Variants in SCN9A observed in about 807,000 individuals in gnomAD.
The protein encoded by SCN9A is sodium voltage-gated channel alpha subunit 9.
A neutral mutation model predicts 187.0 loss-of-function variants in SCN9A; 131 were observed. The observed-to-expected ratio is 0.70, with a 90% CI of 0.61 to 0.81. The LOEUF is 0.81. SCN9A is among the 30% of genes least tolerant of loss of function. The pLI, the probability that SCN9A is intolerant of heterozygous loss-of-function variation, is 0.00. For missense variants in SCN9A, 2,252 were observed against 2,396.6 expected (o/e 0.94, Z 1.26); for synonymous variants, 809 against 808.6 (o/e 1.00, Z -0.01).
intron 17 of SCN9A, among the ~76,000 whole-genome samples, chr2:166,264,334 T>C (rs1328641624): frequency 6.6e-6 from 1 of 151,922 alleles, no homozygotes; most frequent in African/African-American, 2.4e-5. Context: ...TTGGAGGGCT[T>C]CATTGCACTT....
intron 1 of SCN9A, among the ~76,000 whole-genome samples, chr2:166,360,219 C>CAAAAA (rs1251018524): frequency 2.1e-4 from 5 of 24,008 alleles, no homozygotes; most frequent in African/African-American, 7.5e-4. Flanking sequence ...AACTCTGTCT[C>CAAAAA]AAAAAAAAAA....
intron 7 of SCN9A, chr2:166,301,748 T>C (rs1354357909): frequency 6.6e-6 from 1 of 150,770 alleles, no homozygotes; most frequent in Non-Finnish European, 1.5e-5. Context: ...TTTTACAGCA[T>C]ATAAATTAAG....
At chr2:166,331,339 G>A (rs772804611) in intron 1 of SCN9A, among the ~76,000 whole-genome samples, 18 of 152,080 alleles carry the variant, frequency 1.2e-4, no homozygotes, top group African/African-American at 1.4e-4. Flanking sequence ...TTTACAACTT[G>A]TTTTTGGTAA....
intron 6 of SCN9A, 186 bp downstream of exon 6, chr2:166,304,052 T>C: frequency 1.2e-6 from 2 of 1,613,402 alleles, no homozygotes; most frequent in Non-Finnish European, 1.7e-6. Flanking sequence ...GAAATTGTTT[T>C]CAATGCTCGG....
intron 1 of SCN9A, among the ~76,000 whole-genome samples, chr2:166,366,111 T>C (rs1036716444): frequency 6.6e-6 from 1 of 152,102 alleles, no homozygotes; most frequent in East Asian, 1.9e-4. Flanking sequence ...ATGGCACCAA[T>C]ACCAACTTGG....
At chr2:166,355,969 C>T (rs755736948) in intron 1 of SCN9A, among the ~76,000 whole-genome samples, 1 of 152,124 alleles carries the variant, frequency 6.6e-6, no homozygotes, top group Non-Finnish European at 1.5e-5. Context: ...GACAGGGTTT[C>T]ACCATGTTGG....
At chr2:166,286,755 C>T (rs1697768156) in intron 10 of SCN9A, 132 bp from the exon 11 acceptor site, 5 of 613,678 alleles carry the variant, frequency 8.1e-6, no homozygotes, top group Admixed American at 3.9e-5. Flanking sequence ...ATGAAATGAT[C>T]GTTTTCTTTA....
chr2:166,368,739 G>C (rs1700479726), intron 1 of SCN9A, among the ~76,000 whole-genome samples: 1 of 148,030 alleles, frequency 6.8e-6, no homozygotes, highest in African/African-American at 2.5e-5. Flanking sequence ...TATAATCCCA[G>C]CACTTTGGGG....
chr2:166,220,573 C>T (rs970400807), intron 24 of SCN9A, among the ~76,000 whole-genome samples: 27 of 152,266 alleles, frequency 1.8e-4, no homozygotes, highest in Admixed American at 3.3e-4. Context: ...TCCTCCAGTA[C>T]TGTGATCCCA....
chr2:166,371,676 C>T (rs1343448897), intron 1 of SCN9A, among the ~76,000 whole-genome samples: 1 of 152,072 alleles, frequency 6.6e-6, no homozygotes, highest in Non-Finnish European at 1.5e-5. Flanking sequence ...CCTTGCCTCT[C>T]AAGTGGTAAT....
chr2:166,200,529 ATAAC>A (rs1693458774), intron 26 of SCN9A, among the ~76,000 whole-genome samples: 1 of 152,216 alleles, frequency 6.6e-6, no homozygotes, highest in Non-Finnish European at 1.5e-5. Flanking sequence ...AATGTCAACA[ATAAC>A]TATTATCAAT....
In SCN9A at chr2:166,218,409, TAAAA is replaced by T. The variant is rs1328904435; in HGVS notation, c.4398+8154_4398+8157del. Among the ~76,000 whole-genome samples the T allele has an allele frequency of 1.0e-4, 15 of 149,140 alleles. No homozygotes were observed. In the Admixed American group the frequency reaches 1.1e-3, roughly 11 times the overall value. On this transcript the variant is annotated intron_variant, in intron 24 of 26. Coordinates refer to ENST00000642356, the MANE Select transcript of SCN9A (RefSeq NM_001365536.1). The stretch of plus-strand genomic sequence containing the variant: ...ATGTACCCTAGAACTTAAAGTAAAA[TAAAA>T]AAATAAATAAATAAAAAATAAAAAA...
chr2:166,273,815 C>T (rs905018379), intron 16 of SCN9A, among the ~76,000 whole-genome samples: 2 of 152,040 alleles, frequency 1.3e-5, no homozygotes, highest in East Asian at 1.9e-4. Context: ...TTTTAAAAAT[C>T]GAAGTAAGAC....
At chr2:166,364,855 A>G (rs1037711023) in intron 1 of SCN9A, among the ~76,000 whole-genome samples, 1 of 152,190 alleles carries the variant, frequency 6.6e-6, no homozygotes, top group Non-Finnish European at 1.5e-5. Context: ...CAAAATATAA[A>G]TTTTTAAATT....
chr2:166,308,925 CAAA>C (rs397986566), intron 2 of SCN9A, among the ~76,000 whole-genome samples: 160 of 78,146 alleles, frequency 2.0e-3, no homozygotes, highest in African/African-American at 7.5e-3. Context: ...GACTCTGTCT[CAAA>C]AAAAAAAAAA....
chr2:166,279,733 T>A (rs34474991), intron 14 of SCN9A, among the ~76,000 whole-genome samples: 9,242 of 152,156 alleles, frequency 0.061, 353 homozygotes, highest in Middle Eastern at 0.14. Context: ...ATTTACTATA[T>A]GCCAGGCTAA....
chr2:166,239,508 A>G (rs1482273316), intron 19 of SCN9A, among the ~76,000 whole-genome samples: 1 of 152,118 alleles, frequency 6.6e-6, no homozygotes, highest in African/African-American at 2.4e-5. Context: ...ATTGAAGAAA[A>G]GAGACAAGTT....
chr2:166,285,577 C>T (rs1697699619), intron 11 of SCN9A, among the ~76,000 whole-genome samples: 2 of 152,128 alleles, frequency 1.3e-5, no homozygotes, highest in South Asian at 2.1e-4. Flanking sequence ...GTATCATCAC[C>T]TAGGTTCAAG....
At chr2:166,357,320 C>A (rs894430767) in intron 1 of SCN9A, among the ~76,000 whole-genome samples, 10 of 152,180 alleles carry the variant, frequency 6.6e-5, no homozygotes, top group African/African-American at 2.4e-4. Context: ...TAAAATATTG[C>A]CGAATTCTCT....
Sources: allele counts gnomAD v4.1 joint callset (sites outside exome capture counted in the v4.1 genomes callset), GRCh38; gene constraint gnomAD v4.1.1; transcripts MANE v1.5; gene names NCBI Gene and HGNC (gene_info 2026-07-23, HGNC 2026-07-21).